COL4A1: variants seen among roughly 807,000 people sequenced by gnomAD.
COL4A1 encodes the protein collagen type IV alpha 1 chain.
COL4A1 carries 40 observed loss-of-function variants against 216.6 expected under a neutral mutation model. The ratio of observed to expected loss-of-function variants is 0.18; its 90% CI spans 0.14 to 0.24. The LOEUF is 0.24. COL4A1 is among the 10% of genes least tolerant of loss of function. COL4A1 has a pLI of 1.00. For synonymous variants in COL4A1, 839 were observed against 810.7 expected (o/e 1.03, Z -0.59); for missense variants, 1,628 against 2,196.8 (o/e 0.74, Z 5.18).
intron 1 of COL4A1, among the ~76,000 whole-genome samples, chr13:110,295,055 A>G (rs1372737503): frequency 6.6e-6 from 1 of 152,244 alleles, no homozygotes. Flanking sequence ...TACAAAAGCC[A>G]TAATGTCCTA....
At chr13:110,280,038 T>C (rs1396284949) in intron 1 of COL4A1, among the ~76,000 whole-genome samples, 1 of 152,274 alleles carries the variant, frequency 6.6e-6, no homozygotes, top group African/African-American at 2.4e-5. Context: ...GTCTTACCCT[T>C]CCTTATGAAT....
At position 110,252,605 on chromosome 13, in the gene COL4A1, T is replaced by C. The variant is rs1489377887; in HGVS notation, c.85-9871A>G. 1.5e-3 allele frequency among the ~76,000 whole-genome samples: 100 copies of C among 66,876 alleles called. 48 individuals carry two copies. The highest frequency in any genetic ancestry group is 3.3e-3 in the Admixed American group (18 of 5,440). 43.9% of individuals were successfully genotyped at this position (66,876 alleles called of 152,430 possible). A position where few individuals can be genotyped will look rare whatever the true frequency, so the allele number is the denominator to read the frequency against. ...ATACGTATAATTATACGTATATATGTATTATATATGTATAATTGTATATAT... is the reference window on the plus strand; with the variant it reads ...ATACGTATAATTATACGTATATATGCATTATATATGTATAATTGTATATAT... On this transcript the variant is annotated intron_variant, in intron 1 of 51. Coordinates refer to ENST00000375820, the MANE Select transcript of COL4A1 (RefSeq NM_001845.6).
chr13:110,206,964 C>G (rs1269485067), intron 13 of COL4A1, 73 bp from the exon 14 acceptor site: 2 of 1,434,036 alleles, frequency 1.4e-6, no homozygotes, highest in African/African-American at 1.5e-5. Context: ...ATTAAACACA[C>G]AGCAGAAAAA....
Position 110,160,449 on chromosome 13 carries a change from C to CAA in COL4A1, c.4640+741_4640+742dup, listed in dbSNP as rs71127918. The stretch of plus-strand genomic sequence containing the variant: ...TGGGTGACAGAGCGAGACTCCGTCT[C>CAA]AAAAAAAAAAAAAAAAATTCATAGG... On this transcript the variant is annotated intron_variant, in intron 49 of 51. Coordinates refer to ENST00000375820, the MANE Select transcript of COL4A1 (RefSeq NM_001845.6). Among the ~76,000 whole-genome samples, 697 of 107,968 alleles carry CAA rather than the reference C, an allele frequency of 6.5e-3. 34 individuals carry two copies. Among genetic ancestry groups the CAA allele is most frequent in the Middle Eastern group, 0.043 (9 of 210 alleles). 70.8% of individuals were successfully genotyped at this position (107,968 alleles called of 152,430 possible).
chr13:110,163,423 C>G (rs1877176240), intron 47 of COL4A1, 40 bp downstream of exon 47: 1 of 1,582,182 alleles, frequency 6.3e-7, no homozygotes, highest in Non-Finnish European at 8.7e-7. Flanking sequence ...TCCCAAAGAT[C>G]CTGGTCAAGG....
intron 2 of COL4A1, among the ~76,000 whole-genome samples, chr13:110,226,987 T>C (rs1229200106): frequency 1.3e-5 from 2 of 152,230 alleles, no homozygotes; most frequent in East Asian, 1.9e-4. Flanking sequence ...CTCAATGCTC[T>C]TCATAAAGTT....
chr13:110,209,246 T>A lies in COL4A1; in HGVS notation c.651+146A>T, dbSNP rs1184510819. ...TAATCAATAGATAATAAATGATATATGATAGATACTTAAAGGTATAGTTAG... is the reference window on the plus strand; with the variant it reads ...TAATCAATAGATAATAAATGATATAAGATAGATACTTAAAGGTATAGTTAG... On this transcript the variant is annotated intron_variant, in intron 11 of 51. Coordinates refer to ENST00000375820, the MANE Select transcript of COL4A1 (RefSeq NM_001845.6). The A allele has an allele frequency of 2.5e-5, 17 of 670,870 alleles. No homozygotes were observed. In the Admixed American group the frequency reaches 4.7e-4, roughly 18 times the overall value. The allele number at this position is 670,870 out of a possible 1,614,324, so 41.6% of individuals were successfully genotyped here. A position where few individuals can be genotyped will look rare whatever the true frequency, so the allele number is the denominator to read the frequency against.
rs746472246 is a variant in COL4A1 at position 110,149,124 on chromosome 13, C to T, written c.*1239G>A. On this transcript the variant is annotated 3_prime_UTR_variant, in exon 52 of 52. Transcript: ENST00000375820. Reference sequence around the variant, plus strand: ...AAGAAATACACATTTAAAGAAATTACATAAAAGGCCTTAGTAGTCTTAGAA... The same window carrying T: ...AAGAAATACACATTTAAAGAAATTATATAAAAGGCCTTAGTAGTCTTAGAA... 1 of 154,810 alleles carries T rather than the reference C, an allele frequency of 6.5e-6. No individual in the cohort carries two copies. The highest frequency in any genetic ancestry group is 2.0e-4 in the South Asian group (1 of 4,914). 9.6% of individuals were successfully genotyped at this position (154,810 alleles called of 1,614,324 possible).
intron 2 of COL4A1, among the ~76,000 whole-genome samples, chr13:110,220,726 C>A (rs1566386907): frequency 6.6e-6 from 1 of 152,106 alleles, no homozygotes; most frequent in African/African-American, 2.4e-5. Context: ...CCCAAGGCTG[C>A]CGATGATGGA....
intron 1 of COL4A1, among the ~76,000 whole-genome samples, chr13:110,270,238 G>A (rs989930830): frequency 1.3e-5 from 2 of 152,196 alleles, no homozygotes; most frequent in African/African-American, 4.8e-5. Context: ...ATACCCAGTA[G>A]GGGCACATTA....
At chr13:110,184,529 A>G (rs1878317204) in intron 26 of COL4A1, among the ~76,000 whole-genome samples, 1 of 152,186 alleles carries the variant, frequency 6.6e-6, no homozygotes, top group Non-Finnish European at 1.5e-5. Context: ...ACAAAGAACA[A>G]CCATCAACAG....
intron 17 of COL4A1, 101 bp downstream of exon 17, chr13:110,205,252 T>C: frequency 7.2e-7 from 1 of 1,393,022 alleles, no homozygotes; most frequent in Admixed American, 1.8e-5. Context: ...AATGATTTTT[T>C]TCCCTTGAGT....
intron 2 of COL4A1, among the ~76,000 whole-genome samples, chr13:110,225,370 G>C (rs960594615): frequency 1.3e-5 from 2 of 152,230 alleles, no homozygotes; most frequent in African/African-American, 2.4e-5. Flanking sequence ...GATCACCTGA[G>C]GTCAGGCGTT....
At chr13:110,162,196 A>G (rs1427640545) in intron 48 of COL4A1, 34 bp downstream of exon 48, 3 of 1,586,558 alleles carry the variant, frequency 1.9e-6, no homozygotes, top group South Asian at 1.1e-5. Context: ...ACACACCTAC[A>G]CTGAATGAAT....
At chr13:110,166,084 G>T in intron 45 of COL4A1, 148 bp downstream of exon 45, 1 of 726,694 alleles carries the variant, frequency 1.4e-6, no homozygotes, top group African/African-American at 1.7e-5. Flanking sequence ...ATCTTGACTT[G>T]CTGCAAAGAA....
intron 2 of COL4A1, among the ~76,000 whole-genome samples, chr13:110,217,067 T>C (rs1880122164): frequency 6.6e-6 from 1 of 152,144 alleles, no homozygotes; most frequent in South Asian, 2.1e-4. Flanking sequence ...CCCCACATAT[T>C]TTTTTAACGT....
chr13:110,205,278 C>A (rs546404411), intron 17 of COL4A1, 75 bp downstream of exon 17: 15 of 1,574,388 alleles, frequency 9.5e-6, no homozygotes, highest in Non-Finnish European at 1.3e-5. Flanking sequence ...GTCCTTTATT[C>A]TAGGAAAGAA....
intron 1 of COL4A1, among the ~76,000 whole-genome samples, chr13:110,271,669 G>C (rs768831580): frequency 2.0e-5 from 3 of 152,194 alleles, no homozygotes; most frequent in Non-Finnish European, 2.9e-5. Context: ...AGGGCGATGT[G>C]ACAGCTAAAT....
chr13:110,292,816 G>A (rs992744039), intron 1 of COL4A1, among the ~76,000 whole-genome samples: 1 of 152,144 alleles, frequency 6.6e-6, no homozygotes, highest in Non-Finnish European at 1.5e-5. Flanking sequence ...GTAGGCAGAT[G>A]GGATCAATGG....
Sources: gnomAD v4.1 joint callset for allele counts (sites outside exome capture counted in the v4.1 genomes callset) on GRCh38, gnomAD v4.1.1 for gene constraint, MANE v1.5 for transcripts, NCBI Gene and HGNC (gene_info 2026-07-23, HGNC 2026-07-21) for gene names.